The following FDFT1 variants were observed in gnomAD, a reference collection of about 807,000 sequenced individuals.
FDFT1 encodes farnesyl-diphosphate farnesyltransferase 1, also known as squalene synthase.
A neutral mutation model predicts 46.8 loss-of-function variants in FDFT1; 68 were observed. The observed-to-expected ratio is 1.45, with a 90% CI of 1.19 to 1.78. The LOEUF (loss-of-function observed/expected upper bound fraction) is 1.78, where lower values mean the gene tolerates loss of function less well. Ranked by LOEUF, FDFT1 falls within the 40% of genes most tolerant of loss-of-function variation. The probability of loss-of-function intolerance (pLI) is 0.00; values close to 1 mark genes in which losing one functional copy is unlikely to be tolerated. For missense variants in FDFT1, 928 were observed against 524.4 expected, an observed-to-expected ratio of 1.77 and a Z score of -7.52; for synonymous variants, 351 against 185.1, an observed-to-expected ratio of 1.90 and a Z score of -7.28.
At chr8:11,814,325 C>G (rs965444006) in intron 3 of FDFT1, among the ~76,000 whole-genome samples, 3 of 130,722 alleles carry the variant, frequency 2.3e-5, no homozygotes, top group African/African-American at 3.2e-5. Flanking sequence ...TTTGGAGGGA[C>G]ATGGGGGTAT....
upstream of FDFT1, chr8:11,802,356 C>G (rs957572312): frequency 1.8e-5 from 8 of 440,998 alleles, no homozygotes; most frequent in East Asian, 3.5e-4. Flanking sequence ...GAAGCAGCCC[C>G]GCACTGCTCT....
At chr8:11,824,021 C>T (rs930627740) in intron 4 of FDFT1, among the ~76,000 whole-genome samples, 3 of 151,688 alleles carry the variant, frequency 2.0e-5, no homozygotes, top group East Asian at 3.9e-4. Context: ...TGAGCCACTA[C>T]ACTCAGCCTT....
chr8:11,808,669 C>T lies in FDFT1; in HGVS notation c.100-125C>T, dbSNP rs1459429060. 34 of 1,477,630 alleles carry T rather than the reference C, an allele frequency of 2.3e-5. No individual in the cohort carries two copies. In the South Asian group the frequency reaches 4.4e-4, roughly 19 times the overall value. The allele number at this position is 1,477,630 out of a possible 1,614,324, so 91.5% of individuals were successfully genotyped here. A position where few individuals can be genotyped will look rare whatever the true frequency, so the allele number is the denominator to read the frequency against. On this transcript the variant is annotated intron_variant, in intron 1 of 7. Coordinates refer to ENST00000220584, the MANE Select transcript of FDFT1 (RefSeq NM_004462.5). ...GCCGCCTGGCCCTGCAAGGACTGGC[C>T]TCGGGGAGAGGGCGGCAGGCTGTGG...
chr8:11,824,619 A>G (rs779061966), intron 4 of FDFT1, among the ~76,000 whole-genome samples: 14 of 151,924 alleles, frequency 9.2e-5, no homozygotes, highest in Non-Finnish European at 1.3e-4. Context: ...CACATGGGCA[A>G]TGTTGGGCAA....
chr8:11,831,166 T>G (rs1810725199), intron 6 of FDFT1, among the ~76,000 whole-genome samples: 1 of 152,234 alleles, frequency 6.6e-6, no homozygotes, highest in Non-Finnish European at 1.5e-5. Context: ...AGAAAATTCT[T>G]CCCATATATT....
At chr8:11,815,449 T>A (rs1050240906) in intron 3 of FDFT1, among the ~76,000 whole-genome samples, 4 of 152,318 alleles carry the variant, frequency 2.6e-5, no homozygotes, top group African/African-American at 9.6e-5. Context: ...CACCATACTG[T>A]CTTCCACAAT....
At chr8:11,800,821 C>G (rs1050066550), upstream of FDFT1, among the ~76,000 whole-genome samples, 8 of 152,154 alleles carry the variant, frequency 5.3e-5, no homozygotes, top group East Asian at 1.9e-4. Flanking sequence ...GAAGAGGAAC[C>G]TCTACTTTAC....
At position 11,803,340 on chromosome 8, in the gene FDFT1, C is replaced by T. The variant is rs746737157; in HGVS notation, c.99+409C>T. On this transcript the variant is annotated intron_variant, in intron 1 of 7. Transcript: ENST00000220584. ...TATGCAGATAACATCACATGAAGGC[C>T]GTTTCTGGAATGAAGTCTGACTCCT... 148 of 1,291,908 alleles carry T rather than the reference C, an allele frequency of 1.1e-4. No homozygotes were observed. The African/African-American group carries it at 2.0e-3, about 17-fold the overall frequency. The allele number at this position is 1,291,908 out of a possible 1,614,324, so 80.0% of individuals were successfully genotyped here.
chr8:11,827,020 G>A (rs940754182), intron 5 of FDFT1, among the ~76,000 whole-genome samples: 9 of 152,324 alleles, frequency 5.9e-5, no homozygotes, highest in Non-Finnish European at 1.5e-5. Context: ...GGACAGGGTC[G>A]ATCTTTAATT....
In FDFT1 at chr8:11,826,424, A is replaced by C. The variant is rs1325585695; in HGVS notation, c.702+209A>C. On this transcript the variant is annotated intron_variant, in intron 5 of 7. Coordinates refer to ENST00000220584, the MANE Select transcript of FDFT1 (RefSeq NM_004462.5). Reference sequence around the variant, plus strand: ...TCACACCACGTAATCAGTATATTCAAGCCTTGCTGTCCTTGATTTCTTTCA... The same window carrying C: ...TCACACCACGTAATCAGTATATTCACGCCTTGCTGTCCTTGATTTCTTTCA... Among the ~76,000 whole-genome samples, 2 of 152,318 alleles carry C rather than the reference A, an allele frequency of 1.3e-5. 1 individual carries two copies. The highest frequency in any genetic ancestry group is 4.1e-4 in the South Asian group (2 of 4,828).
At position 11,838,519 on chromosome 8, in the gene FDFT1, G is replaced by T; in HGVS notation, c.1164G>T (p.Ser388=). Residue 388 remains serine (S), a synonymous_variant, in exon 8 of 8, where the codon TCG becomes TCT. Transcript: ENST00000220584. ...SRSHYSPIYL[S]FVMLLAALSW... ...GCCACTACTCCCCCATCTACCTGTC[G>T]TTTGTCATGCTTTTGGCTGCCCTGA... 1 of 1,609,048 alleles carries T rather than the reference G, an allele frequency of 6.2e-7. No homozygotes were observed. Among genetic ancestry groups the T allele is most frequent in the Non-Finnish European group, 8.5e-7 (1 of 1,177,240 alleles).
chr8:11,805,765 A>G (rs1049739724), intron 1 of FDFT1, among the ~76,000 whole-genome samples: 1 of 152,236 alleles, frequency 6.6e-6, no homozygotes, highest in Non-Finnish European at 1.5e-5. Flanking sequence ...AATAATTATG[A>G]GGTGCTACTT....
intron 3 of FDFT1, among the ~76,000 whole-genome samples, chr8:11,818,735 G>T (rs1438977639): frequency 4.0e-5 from 6 of 151,790 alleles, no homozygotes; most frequent in African/African-American, 1.5e-4. Flanking sequence ...TTTATTTTGA[G>T]CCTATGTGCA....
chr8:11,815,097 T>C (rs181022163), intron 3 of FDFT1, among the ~76,000 whole-genome samples: 75 of 152,196 alleles, frequency 4.9e-4, no homozygotes, highest in Non-Finnish European at 8.2e-4. Flanking sequence ...CAACTCCCAC[T>C]TAGGAGTGAG....
intron 3 of FDFT1, among the ~76,000 whole-genome samples, chr8:11,819,813 TTTG>T (rs1808972764): frequency 6.6e-6 from 1 of 152,122 alleles, no homozygotes; most frequent in African/African-American, 2.4e-5. Context: ...CTTGGAGAAG[TTTG>T]TTATTACCAA....
At chr8:11,804,840 C>G (rs111229379) in intron 1 of FDFT1, among the ~76,000 whole-genome samples, 2,074 of 151,200 alleles carry the variant, frequency 0.014, 38 homozygotes, top group African/African-American at 0.045. Context: ...AACTCTTGAC[C>G]TCAAGTGATC....
At chr8:11,826,366 T>A (rs565715107) in intron 5 of FDFT1, 151 bp downstream of exon 5, 10 of 526,028 alleles carry the variant, frequency 1.9e-5, no homozygotes, top group Admixed American at 1.7e-4. Context: ...TTGACATGAG[T>A]TTGCTTCAGG....
chr8:11,803,000 G>A (rs898671940), intron 1 of FDFT1, 69 bp downstream of exon 1: 52 of 1,535,550 alleles, frequency 3.4e-5, no homozygotes, highest in African/African-American at 8.3e-5. Context: ...GGGCCTGAGC[G>A]GCCGGGCCCG....
chr8:11,811,979 G>T (rs982275217), intron 3 of FDFT1, among the ~76,000 whole-genome samples: 1 of 152,222 alleles, frequency 6.6e-6, no homozygotes, highest in Non-Finnish European at 1.5e-5. Flanking sequence ...TTTGAAACCA[G>T]TTGTCTGGGG....
Sources: gnomAD v4.1 joint callset for allele counts (sites outside exome capture counted in the v4.1 genomes callset) on GRCh38, gnomAD v4.1.1 for gene constraint, MANE v1.5 for transcripts, NCBI Gene and HGNC (gene_info 2026-07-23, HGNC 2026-07-21) for gene names.